The following ROBO1 variants were observed in gnomAD, a reference collection of about 807,000 sequenced individuals.
The protein encoded by ROBO1 is roundabout guidance receptor 1.
A neutral mutation model predicts 195.9 loss-of-function variants in ROBO1; 149 were observed. That is an observed-to-expected ratio of 0.76 (90% confidence interval 0.67 to 0.87). The LOEUF (loss-of-function observed/expected upper bound fraction) is 0.87, where lower values mean the gene tolerates loss of function less well. ROBO1 is among the 40% of genes least tolerant of loss of function. ROBO1 has a pLI of 0.00. For synonymous variants in ROBO1, 816 were observed against 733.2 expected (o/e 1.11, Z -1.82); for missense variants, 1,933 against 2,068.3 (o/e 0.93, Z 1.27).
chr3:78,702,694 C>T (rs1049637427), intron 8 of ROBO1, among the ~76,000 whole-genome samples: 1 of 152,124 alleles, frequency 6.6e-6, no homozygotes, highest in Non-Finnish European at 1.5e-5. Context: ...CACATTGATG[C>T]CATTATTTCA....
intron 1 of ROBO1, among the ~76,000 whole-genome samples, chr3:79,727,583 T>A (rs1185376388): frequency 6.6e-6 from 1 of 152,222 alleles, no homozygotes; most frequent in Non-Finnish European, 1.5e-5. Context: ...TGTTTCTATG[T>A]CTGTGTTGGA....
chr3:78,623,152 G>A (rs995803668), intron 26 of ROBO1, among the ~76,000 whole-genome samples: 5 of 152,184 alleles, frequency 3.3e-5, no homozygotes, highest in Non-Finnish European at 7.3e-5. Flanking sequence ...AGGGACTTTA[G>A]TCTAGTGGAG....
intron 2 of ROBO1, chr3:79,532,959 T>G: frequency 3.4e-6 from 1 of 290,416 alleles, no homozygotes; most frequent in South Asian, 3.0e-5. Flanking sequence ...AGGCATTATA[T>G]GTAATAGTTA....
chr3:78,653,207 TCCCTGCCTCCCTC>T (rs1706788037), intron 18 of ROBO1, among the ~76,000 whole-genome samples: 1 of 148,270 alleles, frequency 6.7e-6, no homozygotes, highest in South Asian at 2.2e-4. Context: ...AATTTCCAGT[TCCCTGCCTCCCTC>T]CAGTTCCCTG....
Position 79,742,468 on chromosome 3 carries a change from CT to C in ROBO1, c.-51+25283del, listed in dbSNP as rs200576234. 5.3e-3 allele frequency among the ~76,000 whole-genome samples: 808 copies of C among 152,208 alleles called. 7 individuals carry two copies. The highest frequency in any genetic ancestry group is 0.018 in the African/African-American group (753 of 41,536). ...ACCAAGGTTTCCCTGTGGTGTTAAA[CT>C]TGAGGATGAACAGACGGCAAGACTC... On this transcript the variant is annotated intron_variant, in intron 1 of 30. Transcript: ENST00000464233.
At chr3:79,764,761 G>T (rs1327196483) in intron 1 of ROBO1, among the ~76,000 whole-genome samples, 1 of 152,088 alleles carries the variant, frequency 6.6e-6, no homozygotes, top group Non-Finnish European at 1.5e-5. Context: ...TTCATCTCTG[G>T]TCAATGTTAT....
intron 2 of ROBO1, among the ~76,000 whole-genome samples, chr3:79,135,066 G>T (rs2080376276): frequency 6.7e-6 from 1 of 150,260 alleles, no homozygotes; most frequent in Admixed American, 6.7e-5. Context: ...AAAAAATTGA[G>T]TGTCTTAGAG....
chr3:78,898,555 T>C (rs1188460552), intron 4 of ROBO1, among the ~76,000 whole-genome samples: 4 of 151,042 alleles, frequency 2.6e-5, no homozygotes, highest in Non-Finnish European at 5.9e-5. Context: ...GCCCGGCTAA[T>C]TTTTTTGTAT....
chr3:79,591,706 A>C (rs187880623), intron 1 of ROBO1, among the ~76,000 whole-genome samples: 3 of 151,804 alleles, frequency 2.0e-5, no homozygotes, highest in African/African-American at 7.3e-5. Flanking sequence ...TTATCCATTC[A>C]ATGTTTTGGC....
chr3:79,278,895 C>A (rs2031281569), intron 2 of ROBO1, among the ~76,000 whole-genome samples: 1 of 152,044 alleles, frequency 6.6e-6, no homozygotes, highest in Admixed American at 6.6e-5. Context: ...CAACATAGTG[C>A]AAAACAACCT....
chr3:79,575,277 TATATATAA>T (rs1560007555), intron 2 of ROBO1, among the ~76,000 whole-genome samples: 6 of 125,310 alleles, frequency 4.8e-5, no homozygotes, highest in African/African-American at 1.8e-4. Context: ...ATAACAAATA[TATATATAA>T]ATATATATAA....
Position 79,532,811 on chromosome 3 carries a change from A to G in ROBO1, c.88+57013T>C, listed in dbSNP as rs904698122. Among the ~76,000 whole-genome samples the G allele has an allele frequency of 4.6e-5, 7 of 152,286 alleles. No homozygotes were observed. In the East Asian group the frequency reaches 1.4e-3, roughly 29 times the overall value. On this transcript the variant is annotated intron_variant, in intron 2 of 30. Transcript: ENST00000464233. ...GCAATTCAGACAAGAGCTGGCTTCCAAACAGAGAGGCCTCCTAGTTTTCCC... is the reference window on the plus strand; with the variant it reads ...GCAATTCAGACAAGAGCTGGCTTCCGAACAGAGAGGCCTCCTAGTTTTCCC...
intron 2 of ROBO1, among the ~76,000 whole-genome samples, chr3:79,303,081 A>G (rs546372245): frequency 1.3e-5 from 2 of 151,956 alleles, no homozygotes; most frequent in African/African-American, 4.8e-5. Flanking sequence ...TTTATAATGT[A>G]TAACATAATG....
At chr3:79,745,844 T>G (rs968476350) in intron 1 of ROBO1, among the ~76,000 whole-genome samples, 2 of 152,134 alleles carry the variant, frequency 1.3e-5, no homozygotes, top group Non-Finnish European at 1.5e-5. Flanking sequence ...GTTTATTCTT[T>G]TTTTCTTCAT....
chr3:79,010,439 T>C (rs1349952484), intron 3 of ROBO1, among the ~76,000 whole-genome samples: 1 of 152,096 alleles, frequency 6.6e-6, no homozygotes, highest in African/African-American at 2.4e-5. Context: ...AGATAAGGCA[T>C]GTTAGCACTT....
chr3:79,624,567 G>C (rs1439051575), intron 1 of ROBO1, among the ~76,000 whole-genome samples: 3 of 151,934 alleles, frequency 2.0e-5, no homozygotes, highest in African/African-American at 7.3e-5. Flanking sequence ...TGACAAAACA[G>C]ACTTTAAACC....
intron 2 of ROBO1, among the ~76,000 whole-genome samples, chr3:79,138,970 G>A (rs1281365234): frequency 2.0e-5 from 3 of 151,460 alleles, no homozygotes; most frequent in Admixed American, 6.6e-5. Flanking sequence ...TTCTATTTTT[G>A]AATCTCCAAA....
chr3:79,281,091 G>C (rs1296618738), intron 2 of ROBO1, among the ~76,000 whole-genome samples: 1 of 152,142 alleles, frequency 6.6e-6, no homozygotes, highest in Non-Finnish European at 1.5e-5. Flanking sequence ...GGTAGATATT[G>C]AGTTTCTGTG....
intron 4 of ROBO1, among the ~76,000 whole-genome samples, chr3:78,862,268 C>T (rs1490992781): frequency 2.0e-5 from 3 of 152,102 alleles, no homozygotes; most frequent in South Asian, 2.1e-4. Flanking sequence ...TAAAGGCAAT[C>T]TTTAGGGAGA....
Sources: gnomAD v4.1 joint callset for allele counts (sites outside exome capture counted in the v4.1 genomes callset) on GRCh38, gnomAD v4.1.1 for gene constraint, MANE v1.5 for transcripts, NCBI Gene and HGNC (gene_info 2026-07-23, HGNC 2026-07-21) for gene names.